Variants in FAM13A observed in about 807,000 individuals in gnomAD.
The protein encoded by FAM13A is family with sequence similarity 13 member A, also known as protein FAM13A.
FAM13A carries 76 observed loss-of-function variants against 129.6 expected under a neutral mutation model. The observed-to-expected ratio is 0.59, with a 90% CI of 0.49 to 0.71. The LOEUF (loss-of-function observed/expected upper bound fraction) is 0.71, where lower values mean the gene tolerates loss of function less well. FAM13A is among the 30% of genes least tolerant of loss of function. FAM13A has a pLI of 0.00. For missense variants in FAM13A, 1,108 were observed against 1,249.3 expected (o/e 0.89, Z 1.70); for synonymous variants, 443 against 449.9 (o/e 0.98, Z 0.20).
intron 1 of FAM13A, among the ~76,000 whole-genome samples, chr4:89,035,644 G>T (rs1161581306): frequency 6.6e-6 from 1 of 152,188 alleles, no homozygotes; most frequent in African/African-American, 2.4e-5. Flanking sequence ...AGGGCTGGGT[G>T]GGAGGTGATT....
At chr4:88,853,924 C>T (rs978189230) in intron 6 of FAM13A, among the ~76,000 whole-genome samples, 22 of 152,216 alleles carry the variant, frequency 1.4e-4, no homozygotes, top group Admixed American at 7.8e-4. Flanking sequence ...CCAAGTTCTT[C>T]GGCTTTTGGA....
chr4:88,795,161 T>A (rs1267369620), intron 8 of FAM13A, among the ~76,000 whole-genome samples: 1 of 151,800 alleles, frequency 6.6e-6, no homozygotes, highest in Non-Finnish European at 1.5e-5. Context: ...TTGGGTAGCC[T>A]CAAATCTTGG....
intron 19 of FAM13A, among the ~76,000 whole-genome samples, chr4:88,739,860 C>T (rs1447636226): frequency 6.7e-6 from 1 of 149,550 alleles, no homozygotes; most frequent in East Asian, 2.0e-4. Context: ...AATTATGTTT[C>T]TAAGAAGAAG....
intron 14 of FAM13A, among the ~76,000 whole-genome samples, chr4:88,751,624 A>T (rs10428416): frequency 0.092 from 13,909 of 151,988 alleles, 792 homozygotes; most frequent in African/African-American, 0.15. Flanking sequence ...AAAAAAAAAA[A>T]AACACGCTCA....
chr4:88,835,597 C>T (rs531831498), intron 7 of FAM13A, among the ~76,000 whole-genome samples: 1 of 151,930 alleles, frequency 6.6e-6, no homozygotes, highest in East Asian at 1.9e-4. Context: ...AGTGGGAGCC[C>T]TGAGTTTGTT....
At chr4:89,019,692 C>G (rs1766980022) in intron 3 of FAM13A, among the ~76,000 whole-genome samples, 1 of 141,136 alleles carries the variant, frequency 7.1e-6, no homozygotes, top group South Asian at 2.2e-4. Context: ...ACCCAGGAGG[C>G]AGAAGTTGCA....
chr4:88,835,486 G>A (rs1019220751), intron 7 of FAM13A, among the ~76,000 whole-genome samples: 2 of 152,048 alleles, frequency 1.3e-5, no homozygotes, highest in African/African-American at 4.8e-5. Flanking sequence ...GGTAGTTTCA[G>A]GATGATTCAA....
chr4:88,928,631 T>C (rs1752573512), intron 5 of FAM13A, among the ~76,000 whole-genome samples: 1 of 152,148 alleles, frequency 6.6e-6, no homozygotes, highest in Non-Finnish European at 1.5e-5. Context: ...TGCTTGGTTT[T>C]GGTTTCTGTT....
At chr4:88,843,286 C>T (rs960155357) in intron 7 of FAM13A, among the ~76,000 whole-genome samples, 3 of 152,210 alleles carry the variant, frequency 2.0e-5, no homozygotes, top group Non-Finnish European at 4.4e-5. Flanking sequence ...CAGCCTGAGA[C>T]ACTCCCTCAT....
At chr4:88,799,258 G>A (rs1726916814) in intron 8 of FAM13A, among the ~76,000 whole-genome samples, 1 of 152,128 alleles carries the variant, frequency 6.6e-6, no homozygotes, top group African/African-American at 2.4e-5. Context: ...TTAGAATCCT[G>A]ACCAATGAGA....
chr4:88,813,762 T>C (rs1164513189), intron 7 of FAM13A, among the ~76,000 whole-genome samples: 1 of 152,144 alleles, frequency 6.6e-6, no homozygotes, highest in Non-Finnish European at 1.5e-5. Context: ...TCAAGGCTTG[T>C]TTCTGACATC....
Position 88,739,071 on chromosome 4 carries a change from C to A in FAM13A, c.2521G>T (p.Val841Phe), listed in dbSNP as rs1200055444. 6.2e-7 allele frequency: 1 copy of A among 1,613,940 alleles called. No individual in the cohort carries two copies. Among genetic ancestry groups the A allele is most frequent in the Middle Eastern group, 1.7e-4 (1 of 6,060 alleles). Residue 841 changes from valine to phenylalanine, a missense_variant, in exon 20 of 24, where the codon GTC (valine) becomes TTC (phenylalanine). By Grantham distance (50) the Val-to-Phe change is conservative. Around this residue, in one of 3 missense-constraint regions of FAM13A, gnomAD observed 529 missense variants for 621.2 expected, o/e 0.85. Coordinates refer to ENST00000264344, the MANE Select transcript of FAM13A (RefSeq NM_014883.4). ...TTAGCTCGGGAGAGGATCTGTTTGA[C>A]CAGCCGGTACCTGTCGTATAGTGGC... ...MKPLYDRYRLVKQILSRANTI... is the reference protein window; with the variant it reads ...MKPLYDRYRLFKQILSRANTI...
intron 1 of FAM13A, among the ~76,000 whole-genome samples, chr4:89,054,304 C>CAT (rs1553933071): frequency 2.0e-5 from 3 of 151,592 alleles, no homozygotes; most frequent in Non-Finnish European, 2.9e-5. Flanking sequence ...CACAGACACA[C>CAT]ACACACACAC....
chr4:88,818,678 A>C (rs1315316300), intron 7 of FAM13A, among the ~76,000 whole-genome samples: 1 of 152,174 alleles, frequency 6.6e-6, no homozygotes, highest in Admixed American at 6.5e-5. Flanking sequence ...TCAGACACAC[A>C]ACCCATAGGC....
chr4:88,786,776 GA>G (rs1189167869), intron 10 of FAM13A, among the ~76,000 whole-genome samples: 2 of 151,450 alleles, frequency 1.3e-5, no homozygotes, highest in African/African-American at 4.9e-5. Flanking sequence ...TTCTTTAAGC[GA>G]AAAAAAGTTT....
chr4:88,999,150 A>G (rs929684553), intron 3 of FAM13A, among the ~76,000 whole-genome samples: 1 of 152,164 alleles, frequency 6.6e-6, no homozygotes, highest in African/African-American at 2.4e-5. Flanking sequence ...TGCAGGAAGA[A>G]CAAAGAATTA....
chr4:88,947,051 T>C (rs1756006415), intron 4 of FAM13A, among the ~76,000 whole-genome samples: 3 of 152,158 alleles, frequency 2.0e-5, no homozygotes, highest in African/African-American at 7.2e-5. Flanking sequence ...ATAAAAATTA[T>C]AGGAGGCCAT....
At chr4:88,762,442 C>T (rs1034661003) in intron 13 of FAM13A, among the ~76,000 whole-genome samples, 2 of 152,282 alleles carry the variant, frequency 1.3e-5, no homozygotes, top group South Asian at 2.1e-4. Flanking sequence ...TAGAGATGCA[C>T]GTACAGGCTG....
intron 6 of FAM13A, among the ~76,000 whole-genome samples, chr4:88,861,092 A>C (rs1003802596): frequency 1.3e-5 from 2 of 152,280 alleles, no homozygotes; most frequent in Admixed American, 1.3e-4. Flanking sequence ...CTGTATAATG[A>C]AAAACCTACA....
Sources: allele counts gnomAD v4.1 joint callset (sites outside exome capture counted in the v4.1 genomes callset), GRCh38; gene constraint gnomAD v4.1.1; regional missense constraint gnomAD v4.1.1; transcripts MANE v1.5; gene names NCBI Gene and HGNC (gene_info 2026-07-23, HGNC 2026-07-21).